Variants in MYO7B observed in about 807,000 individuals in gnomAD.
MYO7B encodes the protein myosin VIIB, also known as unconventional myosin-VIIb.
In MYO7B, 212 loss-of-function variants were observed where a neutral mutation model predicts 259.7. The observed-to-expected ratio is 0.82, with a 90% CI of 0.73 to 0.91. The LOEUF (loss-of-function observed/expected upper bound fraction) is 0.91. Ranked by LOEUF, MYO7B falls within the 40% of genes least tolerant of loss-of-function variation. MYO7B has a pLI of 0.00. For synonymous variants in MYO7B, 1,197 were observed against 1,166.4 expected, an observed-to-expected ratio of 1.03 and a Z score of -0.54; for missense variants, 2,732 against 2,813.5, an observed-to-expected ratio of 0.97 and a Z score of 0.66.
In MYO7B at chr2:127,614,708, C is replaced by CT. The variant is rs1680506615; in HGVS notation, c.3398+2107dup. ...GGGGTCCCCTTCACCAACCTCATCA[C>CT]TTACAGGGAGTGGAAATGGGCCACA... On this transcript the variant is annotated intron_variant, in intron 26 of 47. Coordinates refer to ENST00000409816, the MANE Select transcript of MYO7B (RefSeq NM_001393586.1). The surrounding 1 kb of genome is among the most constrained non-coding windows in gnomAD (Gnocchi z 4.6). Among the ~76,000 whole-genome samples the CT allele has an allele frequency of 6.6e-6, 1 of 152,144 alleles. No individual in the cohort carries two copies. The highest frequency in any genetic ancestry group is 6.5e-5 in the Admixed American group (1 of 15,284).
chr2:127,536,914 G>A (rs1175597661), intron 1 of MYO7B, among the ~76,000 whole-genome samples: 1 of 152,154 alleles, frequency 6.6e-6, no homozygotes, highest in Non-Finnish European at 1.5e-5. Flanking sequence ...GCTGTCTTGG[G>A]GCCTGCTGCA....
Position 127,576,812 on chromosome 2 carries a change from C to A in MYO7B, c.849+104C>A, listed in dbSNP as rs1283444931. On this transcript the variant is annotated intron_variant, in intron 8 of 47. Coordinates refer to ENST00000409816, the MANE Select transcript of MYO7B (RefSeq NM_001393586.1). The surrounding 1 kb of genome is among the most constrained non-coding windows in gnomAD (Gnocchi z 4.9). ...AGCTGCAGAGAAGCCCAACGCTGGC[C>A]GGGCCCCTGAGGCGGGGCTGGTTCC... 1 of 796,768 alleles carries A rather than the reference C, an allele frequency of 1.3e-6. No homozygotes were observed. The allele number at this position is 796,768 out of a possible 1,614,324, so 49.4% of individuals were successfully genotyped here.
chr2:127,593,507 G>T, intron 17 of MYO7B, 39 bp from the exon 18 acceptor site: 1 of 1,594,296 alleles, frequency 6.3e-7, no homozygotes, highest in South Asian at 1.1e-5. Flanking sequence ...AGGGGTCTCT[G>T]CCCCACCTCC....
intron 27 of MYO7B, 141 bp from the exon 28 acceptor site, chr2:127,621,841 G>A: frequency 3.2e-6 from 4 of 1,263,650 alleles, no homozygotes; most frequent in Non-Finnish European, 1.1e-6. Flanking sequence ...ACTGATCCAT[G>A]TTCCTTCTAA....
intron 26 of MYO7B, among the ~76,000 whole-genome samples, chr2:127,617,554 C>G: frequency 7.8e-6 from 1 of 127,642 alleles, no homozygotes; most frequent in African/African-American, 3.2e-5. Context: ...AGACTGCGGA[C>G]TGCAGTGGCG....
In MYO7B at chr2:127,627,527, G is replaced by A. The variant is rs1303038395; in HGVS notation, c.4460+217G>A. ...ATGAAGTACTCCATTGGGGCATCAC[G>A]CGTTGCACTGGCAGCTTCTCTTTGA... is the stretch of plus-strand genomic sequence containing the variant. On this transcript the variant is annotated intron_variant, in intron 33 of 47. Transcript: ENST00000409816. This position sits in a 1 kb window ranked among gnomAD's most constrained non-coding sequence, Gnocchi z 5.6. 2.9e-5 allele frequency: 21 copies of A among 712,058 alleles called. No individual in the cohort carries two copies. Among genetic ancestry groups the A allele is most frequent in the Non-Finnish European group, 4.7e-5 (19 of 405,326 alleles). 44.1% of individuals were successfully genotyped at this position (712,058 alleles called of 1,614,324 possible). A position where few individuals can be genotyped will look rare whatever the true frequency, so the allele number is the denominator to read the frequency against.
At chr2:127,538,722 C>A (rs1278996397) in intron 1 of MYO7B, among the ~76,000 whole-genome samples, 16 of 152,030 alleles carry the variant, frequency 1.1e-4, no homozygotes, top group Non-Finnish European at 2.4e-4. Context: ...CACACCACCA[C>A]GCCCGGCTAA....
Position 127,637,250 on chromosome 2 carries a change from CCT to C in MYO7B, c.6328-65_6328-64del, listed in dbSNP as rs781300756. 153 of 1,248,170 alleles carry C rather than the reference CCT, an allele frequency of 1.2e-4. No homozygotes were observed. In the African/African-American group the frequency reaches 2.1e-3, roughly 17 times the overall value. 77.3% of individuals were successfully genotyped at this position (1,248,170 alleles called of 1,614,324 possible). On this transcript the variant is annotated intron_variant, in intron 47 of 47. Coordinates refer to ENST00000409816, the MANE Select transcript of MYO7B (RefSeq NM_001393586.1). Reference sequence around the variant, plus strand: ...GGTTGCTGAGGAAGAGAAGGTGGTCCCTGAGTCCAGGACCCCCACCTGCCCTC... The same window carrying C: ...GGTTGCTGAGGAAGAGAAGGTGGTCCGAGTCCAGGACCCCCACCTGCCCTC...
intron 1 of MYO7B, among the ~76,000 whole-genome samples, chr2:127,548,635 C>T (rs1406336491): frequency 3.3e-5 from 5 of 151,900 alleles, no homozygotes; most frequent in East Asian, 3.9e-4. Flanking sequence ...AGGCTGGTCT[C>T]GAACTCCTGA....
rs1424866520 is a variant in MYO7B, at chr2:127,609,497, T to C, written c.2815-9T>C. ...CCTGCTGACCCGTGTTCTCCCTCAATGGCCGTAGGATCTGGAATCGAAGAC... is the reference window on the plus strand; with the variant it reads ...CCTGCTGACCCGTGTTCTCCCTCAACGGCCGTAGGATCTGGAATCGAAGAC... On this transcript the variant is annotated splice_polypyrimidine_tract_variant and intron_variant, in intron 22 of 47. Transcript: ENST00000409816. This position sits in a 1 kb window ranked among gnomAD's most constrained non-coding sequence, Gnocchi z 6.9. The C allele has an allele frequency of 1.2e-6, 2 of 1,606,880 alleles. No homozygotes were observed. Among genetic ancestry groups the C allele is most frequent in the Non-Finnish European group, 1.7e-6 (2 of 1,176,600 alleles).
At chr2:127,634,528 C>A in intron 41 of MYO7B, 68 bp from the exon 42 acceptor site, 2 of 1,420,138 alleles carry the variant, frequency 1.4e-6, no homozygotes, top group Non-Finnish European at 2.0e-6. Flanking sequence ...TGGACCAGAA[C>A]CCAGCAGGTT....
At chr2:127,568,079 A>G (rs1678431977) in intron 5 of MYO7B, among the ~76,000 whole-genome samples, 1 of 152,198 alleles carries the variant, frequency 6.6e-6, no homozygotes, top group South Asian at 2.1e-4. Flanking sequence ...GAGACCTACA[A>G]TCAGAGGGGC....
At chr2:127,634,122 G>A (rs1164292086) in intron 40 of MYO7B, 54 bp from the exon 41 acceptor site, 3 of 1,405,860 alleles carry the variant, frequency 2.1e-6, no homozygotes, top group East Asian at 4.9e-5. Context: ...CTCATCCTGG[G>A]CTGTACTGGC....
intron 26 of MYO7B, among the ~76,000 whole-genome samples, chr2:127,617,487 GTTTTTTT>G (rs35542480): frequency 1.3e-4 from 11 of 84,826 alleles, no homozygotes; most frequent in East Asian, 8.5e-4. Flanking sequence ...TTGTAACGGG[GTTTTTTT>G]TTTTTTTTTT....
chr2:127,612,360 CT>C, intron 25 of MYO7B, 33 bp downstream of exon 25: 1 of 1,430,626 alleles, frequency 7.0e-7, no homozygotes, highest in African/African-American at 1.4e-5. Flanking sequence ...CTGCTCCCAG[CT>C]GCTGCTGGCC....
Position 127,615,241 on chromosome 2 carries a change from A to G in MYO7B, c.3398+2638A>G, listed in dbSNP as rs1325759489. 1.3e-5 allele frequency among the ~76,000 whole-genome samples: 2 copies of G among 152,190 alleles called. No homozygotes were observed. The highest frequency in any genetic ancestry group is 2.1e-4 in the South Asian group (1 of 4,832). ...GAAGGAGGAGGGGTGTTTGCCAGAC[A>G]GAGGGAAAGGGTAGACGGGTCACCC... On this transcript the variant is annotated intron_variant, in intron 26 of 47. Coordinates refer to ENST00000409816, the MANE Select transcript of MYO7B (RefSeq NM_001393586.1). This position sits in a 1 kb window ranked among gnomAD's most constrained non-coding sequence, Gnocchi z 4.4.
In MYO7B at chr2:127,540,664, A is replaced by G. The variant is rs147836884; in HGVS notation, c.-24+4833A>G. On this transcript the variant is annotated intron_variant, in intron 1 of 47. Transcript: ENST00000409816. Reference sequence around the variant, plus strand: ...CAATGGGCTTTTGCTCTATCTCATGAAGTGGGGCTTCTCAAGGGATAGCTC... The same window carrying G: ...CAATGGGCTTTTGCTCTATCTCATGGAGTGGGGCTTCTCAAGGGATAGCTC... Among the ~76,000 whole-genome samples, 700 of 152,244 alleles carry G rather than the reference A, an allele frequency of 4.6e-3. 17 individuals are homozygous for G. The highest frequency in any genetic ancestry group is 1.0e-3 in the Non-Finnish European group (69 of 68,024).
At chr2:127,574,238 A>C (rs557741056) in intron 7 of MYO7B, among the ~76,000 whole-genome samples, 176 bp downstream of exon 7, 1 of 152,266 alleles carries the variant, frequency 6.6e-6, no homozygotes, top group South Asian at 2.1e-4. Context: ...AAATGATAGA[A>C]ATTTTTCCAT....
chr2:127,629,869 T>G (rs1040081493), intron 35 of MYO7B, 43 bp downstream of exon 35: 43 of 1,518,648 alleles, frequency 2.8e-5, no homozygotes, highest in Non-Finnish European at 3.7e-5. Flanking sequence ...GTACCCGAGG[T>G]CAGGGTGGAG....
Sources: gnomAD v4.1 joint callset for allele counts (sites outside exome capture counted in the v4.1 genomes callset) on GRCh38, gnomAD v4.1.1 for gene constraint, Gnocchi (gnomAD v3.1) non-coding constraint, MANE v1.5 for transcripts, NCBI Gene and HGNC (gene_info 2026-07-23, HGNC 2026-07-21) for gene names.